Variants in PKD2 observed in about 807,000 individuals in gnomAD.
The protein encoded by PKD2 is polycystin 2, transient receptor potential cation channel, also known as polycystin-2.
In PKD2, 48 loss-of-function variants were observed where a neutral mutation model predicts 105.9. The ratio of observed to expected loss-of-function variants is 0.45; its 90% CI spans 0.36 to 0.58. The LOEUF (loss-of-function observed/expected upper bound fraction) is 0.58. Among genes scored for constraint, PKD2 ranks in the 20% least tolerant of loss-of-function variants. The probability of loss-of-function intolerance (pLI) is 0.00; values close to 1 mark genes in which losing one functional copy is unlikely to be tolerated. For missense variants in PKD2, 1,078 were observed against 1,255.3 expected, an observed-to-expected ratio of 0.86 and a Z score of 2.13; for synonymous variants, 464 against 481.1, an observed-to-expected ratio of 0.96 and a Z score of 0.46.
At chr4:88,067,849 G>A in intron 12 of PKD2, 49 bp from the exon 13 acceptor site, 1 of 1,560,998 alleles carries the variant, frequency 6.4e-7, no homozygotes, top group Non-Finnish European at 8.8e-7. Context: ...TGAGGCTTCT[G>A]TGGGGTCTCA....
intron 13 of PKD2, 111 bp from the exon 14 acceptor site, chr4:88,074,701 A>T (rs1721166174): frequency 8.9e-7 from 1 of 1,128,724 alleles, no homozygotes; most frequent in Admixed American, 1.8e-5. Flanking sequence ...AAGTGTTTCA[A>T]ATGATTGTGT....
At position 88,076,622 on chromosome 4, in the gene PKD2, T is replaced by C. The variant is rs1008304613; in HGVS notation, c.*928T>C. On this transcript the variant is annotated 3_prime_UTR_variant, in exon 15 of 15. Coordinates refer to ENST00000237596, the MANE Select transcript of PKD2 (RefSeq NM_000297.4). ...ACTGAAAGTTTTTATCCAACAATTA[T>C]GTTCATTTTAAGCAAAATTTTAAGA... 6.6e-6 allele frequency: 1 copy of C among 152,216 alleles called. No homozygotes were observed. The highest frequency in any genetic ancestry group is 6.5e-5 in the Admixed American group (1 of 15,284). 9.4% of individuals were successfully genotyped at this position (152,216 alleles called of 1,614,324 possible). A position where few individuals can be genotyped will look rare whatever the true frequency, so the allele number is the denominator to read the frequency against.
intron 3 of PKD2, 130 bp downstream of exon 3, chr4:88,036,483 G>A: frequency 6.7e-7 from 1 of 1,498,752 alleles, no homozygotes; most frequent in South Asian, 1.2e-5. Context: ...AAGTTATGGT[G>A]AGTTGTTAGA....
chr4:88,068,569 A>G (rs1367869631), intron 13 of PKD2, among the ~76,000 whole-genome samples: 1 of 152,226 alleles, frequency 6.6e-6, no homozygotes, highest in Non-Finnish European at 1.5e-5. Context: ...AACATTTCAC[A>G]TATTTCTACC....
At chr4:88,054,016 G>C (rs1272661520) in intron 7 of PKD2, among the ~76,000 whole-genome samples, 1 of 152,076 alleles carries the variant, frequency 6.6e-6, no homozygotes. Context: ...GCTGGTGAAA[G>C]GATGGCAGGT....
intron 13 of PKD2, among the ~76,000 whole-genome samples, chr4:88,073,189 A>T (rs1172233757): frequency 8.4e-6 from 1 of 119,320 alleles, no homozygotes; most frequent in African/African-American, 3.3e-5. Flanking sequence ...TGTCTCTATT[A>T]AAAAAAAAAA....
intron 10 of PKD2, among the ~76,000 whole-genome samples, chr4:88,062,829 C>A (rs761185645): frequency 9.9e-5 from 15 of 152,052 alleles, no homozygotes; most frequent in Non-Finnish European, 2.1e-4. Flanking sequence ...TGGGATGGGA[C>A]CTAAGATTCA....
At chr4:88,071,975 C>A (rs900723706) in intron 13 of PKD2, among the ~76,000 whole-genome samples, 12 of 87,116 alleles carry the variant, frequency 1.4e-4, no homozygotes, top group African/African-American at 4.8e-4. Flanking sequence ...AGAGGCCAGT[C>A]TTTTTTTTTT....
chr4:88,073,492 C>T (rs1721116049), intron 13 of PKD2, among the ~76,000 whole-genome samples: 1 of 151,842 alleles, frequency 6.6e-6, no homozygotes, highest in Admixed American at 6.6e-5. Context: ...CGCCACTGCA[C>T]TCCAGCCTGG....
chr4:88,065,821 A>G lies in PKD2; in HGVS notation c.2300A>G (p.Asp767Gly), dbSNP rs746729664. The G allele has an allele frequency of 1.2e-6, 2 of 1,613,754 alleles. No individual in the cohort carries two copies. Among genetic ancestry groups the G allele is most frequent in the Admixed American group, 1.7e-5 (1 of 60,000 alleles). ...AIFTKYDQDG[D>G]QELTEHEHQQ... ...TTCACAAAGTACGACCAAGATGGAG[A>G]CCAAGAACTGACCGAACATGAACAT... The change falls in exon 12 of 15, where the codon GAC becomes GGC. Residue 767 changes from aspartate (D) to glycine (G), a missense_variant. Around this residue, in one of 2 missense-constraint regions of PKD2, gnomAD observed 868 missense variants for 1,067.3 expected, o/e 0.81. Coordinates refer to ENST00000237596, the MANE Select transcript of PKD2 (RefSeq NM_000297.4).
chr4:88,021,539 T>C (rs936684651), intron 2 of PKD2, among the ~76,000 whole-genome samples: 6 of 152,232 alleles, frequency 3.9e-5, no homozygotes, highest in African/African-American at 1.4e-4. Flanking sequence ...TAAGAAAGTA[T>C]CTTAGCAGTC....
intron 13 of PKD2, among the ~76,000 whole-genome samples, chr4:88,074,573 G>A (rs1721159586): frequency 6.6e-6 from 1 of 152,074 alleles, no homozygotes; most frequent in Non-Finnish European, 1.5e-5. Context: ...CTAACTAAAG[G>A]GTTAGGCATA....
chr4:88,031,529 T>C (rs1442988209), intron 2 of PKD2, among the ~76,000 whole-genome samples: 2 of 152,192 alleles, frequency 1.3e-5, no homozygotes, highest in Non-Finnish European at 2.9e-5. Context: ...CCAAGGCATC[T>C]TAGTTCTACT....
intron 2 of PKD2, among the ~76,000 whole-genome samples, chr4:88,031,053 A>G (rs960990136): frequency 6.6e-6 from 1 of 152,178 alleles, no homozygotes. Flanking sequence ...TAGAAACCAC[A>G]CTTTCAATTT....
At chr4:88,033,255 C>T (rs71594831) in intron 2 of PKD2, among the ~76,000 whole-genome samples, 37,142 of 151,724 alleles carry the variant, frequency 0.24, 5,297 homozygotes, top group Non-Finnish European at 0.32. Context: ...GGCGAAACCC[C>T]GTCTCTACAA....
At position 88,075,588 on chromosome 4, in the gene PKD2, G is replaced by A. The variant is rs774228308; in HGVS notation, c.2801G>A (p.Gly934Glu). Residue 934 changes from glycine to glutamate, a missense_variant, in exon 15 of 15, where the codon GGA becomes GAA. Transcript: ENST00000237596. ...QISHGLGTPV[G>E]LNGQPRPRSS... The stretch of plus-strand genomic sequence containing the variant: ...AGTCATGGTTTAGGCACGCCAGTGG[G>A]ACTAAATGGTCAACCTCGCCCCAGA... 4 of 1,614,170 alleles carry A rather than the reference G, an allele frequency of 2.5e-6. No individual in the cohort carries two copies. Among genetic ancestry groups the A allele is most frequent in the South Asian group, 2.2e-5 (2 of 91,082 alleles).
chr4:88,032,690 A>G (rs776257126), intron 2 of PKD2, among the ~76,000 whole-genome samples: 1 of 152,322 alleles, frequency 6.6e-6, no homozygotes, highest in African/African-American at 2.4e-5. Context: ...TAGAGAGTGA[A>G]TGCTACCTTC....
intron 5 of PKD2, among the ~76,000 whole-genome samples, chr4:88,043,846 A>T (rs1727670233): frequency 6.6e-6 from 1 of 152,128 alleles, no homozygotes; most frequent in Admixed American, 6.6e-5. Context: ...TCACTCTCAG[A>T]TGAGCCTCTG....
At chr4:88,022,033 A>T (rs958391459) in intron 2 of PKD2, among the ~76,000 whole-genome samples, 1 of 152,130 alleles carries the variant, frequency 6.6e-6, no homozygotes, top group Non-Finnish European at 1.5e-5. Flanking sequence ...TAAACCAGAC[A>T]CTACACTGTG....
Sources: allele counts gnomAD v4.1 joint callset (sites outside exome capture counted in the v4.1 genomes callset), GRCh38; gene constraint gnomAD v4.1.1; regional missense constraint gnomAD v4.1.1; transcripts MANE v1.5; gene names NCBI Gene and HGNC (gene_info 2026-07-23, HGNC 2026-07-21).